The following CSF3R variants were observed in gnomAD, a reference collection of about 807,000 sequenced individuals.
CSF3R encodes the protein colony stimulating factor 3 receptor, also known as granulocyte colony-stimulating factor receptor.
CSF3R carries 52 observed loss-of-function variants against 84.4 expected under a neutral mutation model. That is an observed-to-expected ratio of 0.62 (90% CI 0.49 to 0.78). The LOEUF (loss-of-function observed/expected upper bound fraction) is 0.78. CSF3R is among the 30% of genes least tolerant of loss of function. CSF3R has a pLI of 0.00. For missense variants in CSF3R, 890 were observed against 1,055.7 expected (o/e 0.84, Z 2.17); for synonymous variants, 384 against 429.1 (o/e 0.89, Z 1.30).
rs114028073 is a variant in CSF3R, at chr1:36,473,281, C to T, written c.673+154G>A. The stretch of plus-strand genomic sequence containing the variant: ...GTCTGTGTCCCCATTTCTCTGTCTC[C>T]AGCTGCACCTTTCTTTGTCTCTGTC... On this transcript the variant is annotated intron_variant, in intron 6 of 16. Transcript: ENST00000373106. 1,634 of 802,156 alleles carry T rather than the reference C, an allele frequency of 2.0e-3. 8 individuals are homozygous for T. The highest frequency in any genetic ancestry group is 8.4e-3 in the South Asian group (495 of 58,862). 49.7% of individuals were successfully genotyped at this position (802,156 alleles called of 1,614,324 possible). A position where few individuals can be genotyped will look rare whatever the true frequency, so the allele number is the denominator to read the frequency against.
At chr1:36,471,751 G>T in intron 9 of CSF3R, 105 bp from the exon 10 acceptor site, 1 of 1,182,032 alleles carries the variant, frequency 8.5e-7, no homozygotes, top group Non-Finnish European at 1.2e-6. Flanking sequence ...GCCTCCCCAG[G>T]CTGGGGTCCA....
chr1:36,466,156 C>A lies in CSF3R; in HGVS notation c.*201G>T. 6.2e-7 allele frequency: 1 copy of A among 1,614,204 alleles called. No homozygotes were observed. Among genetic ancestry groups the A allele is most frequent in the African/African-American group, 1.3e-5 (1 of 75,034 alleles). On this transcript the variant is annotated 3_prime_UTR_variant, in exon 17 of 17. Transcript: ENST00000373106. This position sits in a 1 kb window ranked among gnomAD's most constrained non-coding sequence, Gnocchi z 4.6. ...GGCCATTGGGTGGGGCTGGATGGAG[C>A]ATGATCTGGTCCTTAAAGTATGCAG...
intron 5 of CSF3R, 46 bp downstream of exon 5, chr1:36,473,717 AC>A (rs1163420267): frequency 1.2e-6 from 2 of 1,613,996 alleles, no homozygotes; most frequent in Non-Finnish European, 1.7e-6. Context: ...CCCATGCCCT[AC>A]CCCAGAATCC....
intron 3 of CSF3R, chr1:36,476,365 CCCTA>C: frequency 6.6e-6 from 1 of 152,398 alleles, no homozygotes; most frequent in African/African-American, 2.4e-5. Flanking sequence ...TAAAAATCGT[CCCTA>C]CCTTAGTGTT....
At position 36,467,324 on chromosome 1, in the gene CSF3R, G is replaced by A; in HGVS notation, c.1959-13C>T. 2 of 1,613,564 alleles carry A rather than the reference G, an allele frequency of 1.2e-6. No individual in the cohort carries two copies. Among genetic ancestry groups the A allele is most frequent in the Non-Finnish European group, 1.7e-6 (2 of 1,179,472 alleles). On this transcript the variant is annotated splice_polypyrimidine_tract_variant and intron_variant, in intron 15 of 16. Transcript: ENST00000373106. This position sits in a 1 kb window ranked among gnomAD's most constrained non-coding sequence, Gnocchi z 4.1. ...GGGATTCTTCCTGCTGGAGAAGGGG[G>A]CAGGTGGAGGCTGAGTCAGACACAC... is the stretch of plus-strand genomic sequence containing the variant.
chr1:36,467,758 C>A lies in CSF3R; in HGVS notation c.1864+64G>T. 1 of 1,613,844 alleles carries A rather than the reference C, an allele frequency of 6.2e-7. No homozygotes were observed. The highest frequency in any genetic ancestry group is 8.5e-7 in the Non-Finnish European group (1 of 1,179,748). ...GTCAGTCCCCAGCTACTCTCAAAAT[C>A]AGCATCCTTTGGGTGGGGTACCCTC... On this transcript the variant is annotated intron_variant, in intron 14 of 16. Transcript: ENST00000373106. The surrounding 1 kb of genome is among the most constrained non-coding windows in gnomAD (Gnocchi z 4.1).
intron 9 of CSF3R, 61 bp from the exon 10 acceptor site, chr1:36,471,707 CCTCTAGG>C: frequency 6.4e-7 from 1 of 1,555,406 alleles, no homozygotes; most frequent in Non-Finnish European, 8.9e-7. Flanking sequence ...TCAAGGAGAG[CCTCTAGG>C]TGGGGTGGAT....
At position 36,475,782 on chromosome 1, in the gene CSF3R, C is replaced by T. The variant is rs907984676; in HGVS notation, c.65-109G>A. 4.2e-5 allele frequency: 47 copies of T among 1,121,210 alleles called. No homozygotes were observed. The African/African-American group carries it at 6.5e-4, about 15-fold the overall frequency. The allele number at this position is 1,121,210 out of a possible 1,614,324, so 69.5% of individuals were successfully genotyped here. A position where few individuals can be genotyped will look rare whatever the true frequency, so the allele number is the denominator to read the frequency against. ...CAGAGGCCTCACCTTCCTGTCTCACCCTTCAAGATATGGGGGCTGGAAATG... is the reference window on the plus strand; with the variant it reads ...CAGAGGCCTCACCTTCCTGTCTCACTCTTCAAGATATGGGGGCTGGAAATG... On this transcript the variant is annotated intron_variant, in intron 3 of 16. Transcript: ENST00000373106.
chr1:36,480,767 C>T (rs1651469659), intron 2 of CSF3R, among the ~76,000 whole-genome samples: 1 of 152,220 alleles, frequency 6.6e-6, no homozygotes, highest in South Asian at 2.1e-4. Context: ...AAGGTTGTTA[C>T]TGCTCACAGG....
At position 36,467,539 on chromosome 1, in the gene CSF3R, G is replaced by A. The variant is rs1391944248; in HGVS notation, c.1958+19C>T. On this transcript the variant is annotated intron_variant, in intron 15 of 16. Transcript: ENST00000373106. The surrounding 1 kb of genome is among the most constrained non-coding windows in gnomAD (Gnocchi z 4.1). ...GTGGGTGGGGGAAGCAGGATCTCAG[G>A]TCTCTCAAAGGGACTCACTTGGGGC... 6.8e-6 allele frequency: 11 copies of A among 1,610,556 alleles called. No individual in the cohort carries two copies. The highest frequency in any genetic ancestry group is 6.7e-5 in the Admixed American group (4 of 59,936).
chr1:36,468,352 C>A, intron 12 of CSF3R, 131 bp from the exon 13 acceptor site: 1 of 927,132 alleles, frequency 1.1e-6, no homozygotes, highest in South Asian at 1.9e-5. Context: ...GCCCAAGCCT[C>A]ATTTTTCCCA....
At position 36,467,867 on chromosome 1, in the gene CSF3R, C is replaced by T. The variant is rs1469371601; in HGVS notation, c.1819G>A (p.Gly607Arg). ...HIHLMAASQAGATNSTVLTLM... is the reference protein window; with the variant it reads ...HIHLMAASQARATNSTVLTLM... Reference sequence around the variant, plus strand: ...GTGAGGACTGTACTGTTGGTGGCCCCAGCCTGGCTGGCAGCCATGAGGTGG... The same window carrying T: ...GTGAGGACTGTACTGTTGGTGGCCCTAGCCTGGCTGGCAGCCATGAGGTGG... The change falls in exon 14 of 17, where the codon GGG becomes AGG. Residue 607 changes from glycine (G) to arginine (R), a missense_variant. Coordinates refer to ENST00000373106, the MANE Select transcript of CSF3R (RefSeq NM_000760.4). This position sits in a 1 kb window ranked among gnomAD's most constrained non-coding sequence, Gnocchi z 4.1. The T allele has an allele frequency of 1.9e-6, 3 of 1,614,138 alleles. No homozygotes were observed. In the African/African-American group the frequency reaches 4.0e-5, roughly 22 times the overall value.
At chr1:36,468,655 C>T (rs1212303497) in intron 12 of CSF3R, 2 of 216,488 alleles carry the variant, frequency 9.2e-6, no homozygotes, top group African/African-American at 4.7e-5. Context: ...CCTCCCACCT[C>T]AGCCTCTCAA....
At chr1:36,473,223 T>C in intron 6 of CSF3R, 2 of 604,874 alleles carry the variant, frequency 3.3e-6, no homozygotes, top group South Asian at 2.0e-5. Flanking sequence ...ACTGAATGTG[T>C]CTCTTTGCCT....
intron 11 of CSF3R, 106 bp downstream of exon 11, chr1:36,469,546 G>A: frequency 3.8e-6 from 5 of 1,325,854 alleles, no homozygotes; most frequent in Non-Finnish European, 3.2e-6. Context: ...AGAAAGGCTG[G>A]AGAATCCATG....
chr1:36,476,071 C>G (rs1272584956), intron 3 of CSF3R: 1 of 189,798 alleles, frequency 5.3e-6, no homozygotes, highest in Non-Finnish European at 1.1e-5. Flanking sequence ...GTTAACTCCC[C>G]AGTGCCCTCC....
chr1:36,477,670 C>A (rs953279186), intron 3 of CSF3R: 3 of 152,128 alleles, frequency 2.0e-5, no homozygotes, highest in African/African-American at 7.2e-5. Flanking sequence ...GATGGGGATG[C>A]GAAGGCCCTA....
chr1:36,473,583 C>T lies in CSF3R; in HGVS notation c.525G>A (p.Leu175=). The T allele has an allele frequency of 6.2e-7, 1 of 1,614,192 alleles. No homozygotes were observed. The highest frequency in any genetic ancestry group is 1.1e-5 in the South Asian group (1 of 91,088). ...TCTGCCCGTCCTTGGGCACGCAGTC[C>T]AGGATGGAGTCCCCTTGGGTCTGAC... The part of the protein sequence containing the change: ...GNCQTQGDSI[L]DCVPKDGQSH... The change falls in exon 6 of 17, where the codon CTG becomes CTA. Residue 175 remains leucine, a synonymous_variant. Coordinates refer to ENST00000373106, the MANE Select transcript of CSF3R (RefSeq NM_000760.4).
Position 36,467,601 on chromosome 1 carries a change from G to T in CSF3R, c.1915C>A (p.Leu639Ile), listed in dbSNP as rs1333532697. 1 of 1,614,206 alleles carries T rather than the reference G, an allele frequency of 6.2e-7. No homozygotes were observed. Among genetic ancestry groups the T allele is most frequent in the Admixed American group, 1.7e-5 (1 of 60,026 alleles). The change falls in exon 15 of 17, where the codon CTC (leucine) becomes ATC (isoleucine). Residue 639 changes from leucine to isoleucine, a missense_variant. Physicochemically the swap from Leu to Ile is conservative, Grantham distance 5 (BLOSUM62 2). Transcript: ENST00000373106. This position sits in a 1 kb window ranked among gnomAD's most constrained non-coding sequence, Gnocchi z 4.1. ...CAGGCAGTTCCACAGAGGCAGGTGA[G>T]CAACAGCAGGAGGCCGAACAGGCCC... ...ILGLFGLLLL[L>I]TCLCGTAWLC... is the part of the protein sequence containing the mutation.
Sources: allele counts gnomAD v4.1 joint callset (sites outside exome capture counted in the v4.1 genomes callset), GRCh38; gene constraint gnomAD v4.1.1; non-coding constraint Gnocchi (gnomAD v3.1); transcripts MANE v1.5; gene names NCBI Gene and HGNC (gene_info 2026-07-23, HGNC 2026-07-21).